STK24: variants seen among roughly 807,000 people sequenced by gnomAD.
The protein encoded by STK24 is serine/threonine kinase 24, also known as serine/threonine-protein kinase 24.
In STK24, 21 loss-of-function variants were observed where a neutral mutation model predicts 55.6. That is an observed-to-expected ratio of 0.38 (90% CI 0.27 to 0.54). STK24 has a LOEUF of 0.54. STK24 is among the 20% of genes least tolerant of loss of function. The pLI, the probability that STK24 is intolerant of heterozygous loss-of-function variation, is 0.79. For synonymous variants in STK24, 200 were observed against 215.2 expected, an observed-to-expected ratio of 0.93 and a Z score of 0.62; for missense variants, 383 against 538.4, an observed-to-expected ratio of 0.71 and a Z score of 2.86.
At chr13:98,463,140 C>A (rs1293280032) in intron 7 of STK24, among the ~76,000 whole-genome samples, 3 of 152,108 alleles carry the variant, frequency 2.0e-5, no homozygotes, top group Non-Finnish European at 4.4e-5. Flanking sequence ...AGACGAGTCC[C>A]ACGCTCGGAC....
chr13:98,572,304 C>G (rs573653663), intron 1 of STK24, among the ~76,000 whole-genome samples: 6 of 152,092 alleles, frequency 3.9e-5, no homozygotes, highest in Non-Finnish European at 8.8e-5. Context: ...TCAGCAAGTC[C>G]CCAAGGTGCT....
chr13:98,529,582 A>G (rs1896526453), intron 1 of STK24, among the ~76,000 whole-genome samples: 1 of 152,202 alleles, frequency 6.6e-6, no homozygotes, highest in African/African-American at 2.4e-5. Context: ...CAAGCGCCAA[A>G]GGTCATATAC....
chr13:98,450,792 T>G lies in STK24; in HGVS notation c.*2381A>C, dbSNP rs1458790443. 1 of 152,274 alleles carries G rather than the reference T, an allele frequency of 6.6e-6. No individual in the cohort carries two copies. The highest frequency in any genetic ancestry group is 1.5e-5 in the Non-Finnish European group (1 of 68,066). The allele number at this position is 152,274 out of a possible 1,614,324, so 9.4% of individuals were successfully genotyped here. A position where few individuals can be genotyped will look rare whatever the true frequency, so the allele number is the denominator to read the frequency against. ...CCCTGGTGCCTGGGCTCTCTCTTAATGCAGGCCTGGAAGTGGCGACACAAA... is the reference window on the plus strand; with the variant it reads ...CCCTGGTGCCTGGGCTCTCTCTTAAGGCAGGCCTGGAAGTGGCGACACAAA... On this transcript the variant is annotated 3_prime_UTR_variant, in exon 11 of 11. Coordinates refer to ENST00000539966, the MANE Select transcript of STK24 (RefSeq NM_001032296.4).
At chr13:98,454,163 G>C (rs925649828) in intron 10 of STK24, 12 of 152,332 alleles carry the variant, frequency 7.9e-5, no homozygotes, top group African/African-American at 2.9e-4. Context: ...AGAGAATTCA[G>C]TAAGTTTATG....
At chr13:98,483,233 C>G (rs1236430850) in intron 2 of STK24, among the ~76,000 whole-genome samples, 1 of 152,208 alleles carries the variant, frequency 6.6e-6, no homozygotes, top group Non-Finnish European at 1.5e-5. Flanking sequence ...AGCTTCTGCA[C>G]GAGGCCTTGG....
chr13:98,498,185 G>A (rs1443312443), intron 2 of STK24, among the ~76,000 whole-genome samples: 3 of 152,202 alleles, frequency 2.0e-5, no homozygotes, highest in Non-Finnish European at 2.9e-5. Flanking sequence ...CTGGATACTC[G>A]AAAGACTTAC....
At chr13:98,562,082 ATG>A in intron 1 of STK24, among the ~76,000 whole-genome samples, 2 of 152,128 alleles carry the variant, frequency 1.3e-5, no homozygotes, top group African/African-American at 4.8e-5. Context: ...CCATATGGAA[ATG>A]TGGGATGATA....
chr13:98,521,367 T>C (rs560805673), intron 1 of STK24, among the ~76,000 whole-genome samples: 186 of 152,326 alleles, frequency 1.2e-3, no homozygotes, highest in African/African-American at 4.3e-3. Flanking sequence ...AGCCTGGCTG[T>C]GTGTTTACAG....
Position 98,449,093 on chromosome 13 carries a change from CGTG to C in STK24, c.*4077_*4079del, listed in dbSNP as rs1893054353. 1 of 152,160 alleles carries C rather than the reference CGTG, an allele frequency of 6.6e-6. No homozygotes were observed. The highest frequency in any genetic ancestry group is 2.4e-5 in the African/African-American group (1 of 41,416). 9.4% of individuals were successfully genotyped at this position (152,160 alleles called of 1,614,324 possible). On this transcript the variant is annotated 3_prime_UTR_variant, in exon 11 of 11. Coordinates refer to ENST00000539966, the MANE Select transcript of STK24 (RefSeq NM_001032296.4). ...TGTACACAATGGGAAGATAATAAGC[CGTG>C]GTGTTTTGCTGTCTGTCTGTGTCAC...
chr13:98,458,966 G>T (rs1234268009), intron 9 of STK24, among the ~76,000 whole-genome samples: 1 of 152,208 alleles, frequency 6.6e-6, no homozygotes, highest in Non-Finnish European at 1.5e-5. Context: ...AAAGATGCCT[G>T]TGAGTTTAGC....
chr13:98,465,788 C>A (rs1594579632), intron 6 of STK24, among the ~76,000 whole-genome samples: 2 of 152,340 alleles, frequency 1.3e-5, no homozygotes, highest in South Asian at 4.1e-4. Flanking sequence ...AACACCAACA[C>A]ACACACACTA....
rs1892970091 is a variant in STK24 at position 98,448,111 on chromosome 13, G to A, written c.*5062C>T. 4 of 771,310 alleles carry A rather than the reference G, an allele frequency of 5.2e-6. No homozygotes were observed. Among genetic ancestry groups the A allele is most frequent in the South Asian group, 4.7e-5 (3 of 64,232 alleles). The allele number at this position is 771,310 out of a possible 1,614,324, so 47.8% of individuals were successfully genotyped here. ...GTGCTGGCTGTTCCCTTGCTCTTCTGCTGAAGTGGCAGATTACCAACCAGG... is the reference window on the plus strand; with the variant it reads ...GTGCTGGCTGTTCCCTTGCTCTTCTACTGAAGTGGCAGATTACCAACCAGG... On this transcript the variant is annotated 3_prime_UTR_variant, in exon 11 of 11. Coordinates refer to ENST00000539966, the MANE Select transcript of STK24 (RefSeq NM_001032296.4).
At chr13:98,491,252 C>T (rs1895019036) in intron 2 of STK24, among the ~76,000 whole-genome samples, 1 of 152,182 alleles carries the variant, frequency 6.6e-6, no homozygotes, top group East Asian at 1.9e-4. Flanking sequence ...TGTCCAAGTT[C>T]CCAACAGGTG....
chr13:98,547,633 A>G (rs1455424413), intron 1 of STK24, among the ~76,000 whole-genome samples: 1 of 152,202 alleles, frequency 6.6e-6, no homozygotes, highest in Non-Finnish European at 1.5e-5. Context: ...GTACTGAGAC[A>G]CCTCTTGTCC....
At chr13:98,461,052 AAAAG>A (rs1457342325) in intron 8 of STK24, among the ~76,000 whole-genome samples, 1 of 126,378 alleles carries the variant, frequency 7.9e-6, no homozygotes, top group Non-Finnish European at 1.8e-5. Flanking sequence ...TCAAAAAAAA[AAAAG>A]AGAGAGAGAG....
In STK24 at chr13:98,447,992, G is replaced by A; in HGVS notation, c.*5181C>T. 1.8e-6 allele frequency: 1 copy of A among 555,650 alleles called. No homozygotes were observed. Among genetic ancestry groups the A allele is most frequent in the South Asian group, 2.2e-5 (1 of 45,886 alleles). The allele number at this position is 555,650 out of a possible 1,614,324, so 34.4% of individuals were successfully genotyped here. A position where few individuals can be genotyped will look rare whatever the true frequency, so the allele number is the denominator to read the frequency against. ...CACCTCGCTCCTAACTGCTCCAATGGAGCGGGCAGTGTCACTGCAGCAAGG... is the reference window on the plus strand; with the variant it reads ...CACCTCGCTCCTAACTGCTCCAATGAAGCGGGCAGTGTCACTGCAGCAAGG... On this transcript the variant is annotated 3_prime_UTR_variant, in exon 11 of 11. Coordinates refer to ENST00000539966, the MANE Select transcript of STK24 (RefSeq NM_001032296.4).
At chr13:98,539,562 A>C (rs1896829233) in intron 1 of STK24, among the ~76,000 whole-genome samples, 1 of 78,554 alleles carries the variant, frequency 1.3e-5, no homozygotes, top group Non-Finnish European at 3.0e-5. Flanking sequence ...GCAAAGCTCC[A>C]TTTAAAAACA....
chr13:98,570,346 C>G (rs1897707579), intron 1 of STK24, among the ~76,000 whole-genome samples: 1 of 152,154 alleles, frequency 6.6e-6, no homozygotes, highest in Non-Finnish European at 1.5e-5. Context: ...TAAATAGAAA[C>G]TAAACAAAAT....
chr13:98,534,963 T>G (rs1261676046), intron 1 of STK24, among the ~76,000 whole-genome samples: 1 of 152,206 alleles, frequency 6.6e-6, no homozygotes, highest in Admixed American at 6.5e-5. Context: ...ATCAGCTGTT[T>G]GGGCAGCAGG....
Sources: gnomAD v4.1 joint callset for allele counts (sites outside exome capture counted in the v4.1 genomes callset) on GRCh38, gnomAD v4.1.1 for gene constraint, MANE v1.5 for transcripts, NCBI Gene and HGNC (gene_info 2026-07-23, HGNC 2026-07-21) for gene names.